CDC14A: variants seen among roughly 807,000 people sequenced by gnomAD.
The protein encoded by CDC14A is cell division cycle 14A.
Under a neutral mutation model 74.4 loss-of-function variants are expected in CDC14A, and 53 were observed. The ratio of observed to expected loss-of-function variants is 0.71; its 90% CI spans 0.57 to 0.89. The LOEUF is 0.89. CDC14A is among the 40% of genes least tolerant of loss of function. The probability of loss-of-function intolerance (pLI) is 0.00; values close to 1 mark genes in which losing one functional copy is unlikely to be tolerated. For missense variants in CDC14A, 646 were observed against 713.7 expected (o/e 0.91, Z 1.08); for synonymous variants, 247 against 258.4 (o/e 0.96, Z 0.43).
At chr1:100,351,147 T>C (rs749108306), upstream of CDC14A, among the ~76,000 whole-genome samples, 3 of 151,874 alleles carry the variant, frequency 2.0e-5, no homozygotes, top group African/African-American at 4.8e-5. Context: ...TGAGCAGAGA[T>C]TGAGCCACCG....
Position 100,390,815 on chromosome 1 carries a change from T to C in CDC14A, c.300T>C (p.Gly100=). ...GAGCAAATGCAGCATTTTTGATAGGTGCCTATGCAGTAAGTACCTTCTTCA... is the reference window on the plus strand; with the variant it reads ...GAGCAAATGCAGCATTTTTGATAGGCGCCTATGCAGTAAGTACCTTCTTCA... The part of the protein sequence containing the change: ...RKRANAAFLI[G]AYAVIYLKKT... The change falls in exon 4 of 16, where the codon GGT becomes GGC. Residue 100 remains glycine (G), a synonymous_variant. Coordinates refer to ENST00000336454, the MANE Select transcript of CDC14A (RefSeq NM_003672.4). The C allele has an allele frequency of 6.2e-7, 1 of 1,608,154 alleles. No individual in the cohort carries two copies. Among genetic ancestry groups the C allele is most frequent in the Non-Finnish European group, 8.5e-7 (1 of 1,174,968 alleles).
chr1:100,387,751 C>T (rs1164498202), intron 3 of CDC14A, among the ~76,000 whole-genome samples: 1 of 152,084 alleles, frequency 6.6e-6, no homozygotes, highest in Non-Finnish European at 1.5e-5. Flanking sequence ...CCTCAGAGTT[C>T]TGTCCTTTAG....
intron 15 of CDC14A, among the ~76,000 whole-genome samples, chr1:100,506,384 C>G (rs1649238137): frequency 6.6e-6 from 1 of 150,978 alleles, no homozygotes; most frequent in South Asian, 2.1e-4. Flanking sequence ...AGTATTGAAC[C>G]ACATCTTTGG....
At chr1:100,469,272 C>T (rs1668154015) in intron 10 of CDC14A, among the ~76,000 whole-genome samples, 1 of 152,218 alleles carries the variant, frequency 6.6e-6, no homozygotes, top group East Asian at 1.9e-4. Flanking sequence ...ACTTTAGTTG[C>T]CAGTCCTAGA....
chr1:100,401,006 A>G lies in CDC14A; in HGVS notation c.309+10182A>G, dbSNP rs184562182. Among the ~76,000 whole-genome samples, 142 of 152,320 alleles carry G rather than the reference A, an allele frequency of 9.3e-4. 1 individual carries two copies. Among genetic ancestry groups the G allele is most frequent in the Middle Eastern group, 6.8e-3 (2 of 294 alleles). On this transcript the variant is annotated intron_variant, in intron 4 of 15. Coordinates refer to ENST00000336454, the MANE Select transcript of CDC14A (RefSeq NM_003672.4). ...CTGCATTTAGTACTATATATTTAGT[A>G]GGGATGCACTGTGTATGCTTACAGT...
intron 15 of CDC14A, chr1:100,504,851 T>G: frequency 6.5e-7 from 1 of 1,535,790 alleles, no homozygotes; most frequent in Non-Finnish European, 8.7e-7. Flanking sequence ...AAGCCCTTTC[T>G]TGGAAGCCCC....
chr1:100,411,118 C>G (rs979768759), intron 4 of CDC14A, among the ~76,000 whole-genome samples: 4 of 152,328 alleles, frequency 2.6e-5, no homozygotes, highest in African/African-American at 9.6e-5. Context: ...CCTCACCATA[C>G]TGGTAAACCT....
intron 11 of CDC14A, chr1:100,484,959 G>C (rs991441430): frequency 2.1e-6 from 2 of 968,438 alleles, no homozygotes; most frequent in African/African-American, 3.5e-5. Context: ...TAACTACCTG[G>C]TGAGTTAGGT....
At position 100,498,355 on chromosome 1, in the gene CDC14A, G is replaced by A. The variant is rs899180435; in HGVS notation, c.1421+148G>A. Reference sequence around the variant, plus strand: ...GACCCTGTGATGTTCTGGGGCTTCCGTTCCTGTCTTGGGAAGGCAGGAGAC... The same window carrying A: ...GACCCTGTGATGTTCTGGGGCTTCCATTCCTGTCTTGGGAAGGCAGGAGAC... On this transcript the variant is annotated intron_variant, in intron 14 of 15. Coordinates refer to ENST00000336454, the MANE Select transcript of CDC14A (RefSeq NM_003672.4). 64 of 887,466 alleles carry A rather than the reference G, an allele frequency of 7.2e-5. 2 individuals are homozygous for A. The Admixed American group carries it at 1.1e-3, about 15-fold the overall frequency. The allele number at this position is 887,466 out of a possible 1,614,324, so 55.0% of individuals were successfully genotyped here.
At chr1:100,514,077 G>T (rs905632206) in intron 15 of CDC14A, among the ~76,000 whole-genome samples, 5 of 149,084 alleles carry the variant, frequency 3.4e-5, no homozygotes, top group Non-Finnish European at 7.4e-5. Flanking sequence ...AATTAAATGA[G>T]CTTGAATATT....
intron 15 of CDC14A, chr1:100,504,968 T>A (rs1341231083): frequency 6.7e-7 from 1 of 1,500,660 alleles, no homozygotes; most frequent in Non-Finnish European, 8.9e-7. Context: ...AATTAATACT[T>A]TATTTTATCA....
intron 4 of CDC14A, among the ~76,000 whole-genome samples, chr1:100,400,946 A>G (rs1221072973): frequency 6.6e-6 from 1 of 152,136 alleles, no homozygotes; most frequent in Non-Finnish European, 1.5e-5. Context: ...ATTTATATAC[A>G]CATACACAGC....
At chr1:100,469,143 G>T (rs1167064641) in intron 10 of CDC14A, among the ~76,000 whole-genome samples, 6 of 152,042 alleles carry the variant, frequency 3.9e-5, no homozygotes, top group Non-Finnish European at 2.9e-5. Flanking sequence ...CAGTTTTAAT[G>T]ATCATGATCA....
chr1:100,350,896 C>T (rs1030192242), upstream of CDC14A, among the ~76,000 whole-genome samples: 3 of 151,720 alleles, frequency 2.0e-5, no homozygotes, highest in African/African-American at 7.3e-5. Flanking sequence ...GATTTTTTTT[C>T]AATAAAATAA....
In CDC14A at chr1:100,518,295, A is replaced by C. The variant is rs1249674105; in HGVS notation, c.*15A>C. ...TTCATTACTAAGGCCTTGCCACTCCAGTGAAAGCTGTTCTTCTCTTAGACA... is the reference window on the plus strand; with the variant it reads ...TTCATTACTAAGGCCTTGCCACTCCCGTGAAAGCTGTTCTTCTCTTAGACA... On this transcript the variant is annotated 3_prime_UTR_variant, in exon 16 of 16. Coordinates refer to ENST00000336454, the MANE Select transcript of CDC14A (RefSeq NM_003672.4). 1 of 1,605,388 alleles carries C rather than the reference A, an allele frequency of 6.2e-7. No individual in the cohort carries two copies. Among genetic ancestry groups the C allele is most frequent in the Non-Finnish European group, 8.5e-7 (1 of 1,172,692 alleles).
chr1:100,482,283 G>A (rs1250957500), intron 10 of CDC14A, among the ~76,000 whole-genome samples: 1 of 152,030 alleles, frequency 6.6e-6, no homozygotes, highest in Non-Finnish European at 1.5e-5. Context: ...GGTCTTTCCT[G>A]TATTTTTGGT....
chr1:100,494,832 T>A lies in CDC14A; in HGVS notation c.1152T>A (p.Asp384Glu). 6.2e-7 allele frequency: 1 copy of A among 1,609,134 alleles called. No individual in the cohort carries two copies. Among genetic ancestry groups the A allele is most frequent in the East Asian group, 2.2e-5 (1 of 44,838 alleles). Residue 384 changes from aspartate (D) to glutamate (E), a missense_variant, in exon 12 of 16, where the codon GAT becomes GAA. Coordinates refer to ENST00000336454, the MANE Select transcript of CDC14A (RefSeq NM_003672.4). The part of the protein sequence containing the change: ...MERFGEDNLE[D>E]DDVEMKNGIT... Reference sequence around the variant, plus strand: ...TTTTTTTCCAGGATAACTTAGAAGATGATGATGTGGAAATGAAAAATGGTA... The same window carrying A: ...TTTTTTTCCAGGATAACTTAGAAGAAGATGATGTGGAAATGAAAAATGGTA...
At chr1:100,396,175 T>C (rs1314558260) in intron 4 of CDC14A, among the ~76,000 whole-genome samples, 1 of 152,202 alleles carries the variant, frequency 6.6e-6, no homozygotes, top group African/African-American at 2.4e-5. Flanking sequence ...ATTCACCCGT[T>C]GAGTTGGAAG....
At chr1:100,451,111 G>C (rs151251596) in intron 7 of CDC14A, among the ~76,000 whole-genome samples, 1 of 152,220 alleles carries the variant, frequency 6.6e-6, no homozygotes, top group East Asian at 1.9e-4. Flanking sequence ...CATGATTTCT[G>C]GTTATACACA....
Sources: gnomAD v4.1 joint callset for allele counts (sites outside exome capture counted in the v4.1 genomes callset) on GRCh38, gnomAD v4.1.1 for gene constraint, MANE v1.5 for transcripts, NCBI Gene and HGNC (gene_info 2026-07-23, HGNC 2026-07-21) for gene names.